ERICH2: variants seen among roughly 807,000 people sequenced by gnomAD.
The protein encoded by ERICH2 is glutamate rich 2, also known as glutamate-rich protein 2.
A neutral mutation model predicts 17.4 loss-of-function variants in ERICH2; 17 were observed. That is an observed-to-expected ratio of 0.98 (90% CI 0.67 to 1.47). The LOEUF is 1.47. ERICH2 is among the 40% of genes most tolerant of loss of function. ERICH2 has a pLI of 0.00. For missense variants in ERICH2, 186 were observed against 183.2 expected (o/e 1.01, Z -0.09); for synonymous variants, 51 against 61.1 (o/e 0.83, Z 0.77).
At chr2:170,796,437 T>TTG (rs1553569085) in intron 3 of ERICH2, among the ~76,000 whole-genome samples, 1,104 of 21,710 alleles carry the variant, frequency 0.051, 25 homozygotes, top group African/African-American at 0.11. Flanking sequence ...TGTTTTTTTT[T>TTG]TTGTTTTTTT....
At position 170,798,795 on chromosome 2, in the gene ERICH2, CGGTGAAAACA is replaced by C. The variant is rs1559258437; in HGVS notation, c.374_383del (p.Gly125ValfsTer17). Reference sequence around the variant, plus strand: ...AGAAAACTCAGAATCATGAGCAAGACGGTGAAAACAGTGATGAAGACAGCAGTGGTGAGAG... The same window carrying C: ...AGAAAACTCAGAATCATGAGCAAGACGTGATGAAGACAGCAGTGGTGAGAG... On this transcript the variant is annotated frameshift_variant, in exon 5 of 5. Coordinates refer to ENST00000409885, the Ensembl canonical transcript of ERICH2. LOFTEE classifies it low-confidence loss of function (END_TRUNC). 1 of 1,550,530 alleles carries C rather than the reference CGGTGAAAACA, an allele frequency of 6.4e-7. No individual in the cohort carries two copies. The highest frequency in any genetic ancestry group is 1.2e-5 in the South Asian group (1 of 84,038).
At chr2:170,786,389 T>G (rs931975046) in intron 2 of ERICH2, among the ~76,000 whole-genome samples, 5 of 152,150 alleles carry the variant, frequency 3.3e-5, no homozygotes, top group Admixed American at 3.3e-4. Flanking sequence ...TCCGTTGTTC[T>G]TATCTTTATT....
In ERICH2 at chr2:170,792,081, TAGA is replaced by T. The variant is rs1248463773; in HGVS notation, c.217-778_217-776del. Among the ~76,000 whole-genome samples the T allele has an allele frequency of 9.2e-5, 14 of 152,314 alleles. No individual in the cohort carries two copies. In the East Asian group the frequency reaches 2.7e-3, roughly 29 times the overall value. ...ATGGAAGCAGTCTAAATAGCTATAA[TAGA>T]AGATTAGTTTAGTAAATTGTAGCCT... is the stretch of plus-strand genomic sequence containing the variant. On this transcript the variant is annotated intron_variant, in intron 2 of 4. Coordinates refer to ENST00000409885, the Ensembl canonical transcript of ERICH2.
chr2:170,773,897 T>C, the ERICH2 span, among the ~76,000 whole-genome samples: 4 of 152,070 alleles, frequency 2.6e-5, no homozygotes, highest in South Asian at 6.2e-4. Context: ...GGCTAATTAA[T>C]TTTTTATAGA....
At chr2:170,790,735 C>A (rs1701270415) in intron 2 of ERICH2, among the ~76,000 whole-genome samples, 1 of 149,708 alleles carries the variant, frequency 6.7e-6, no homozygotes, top group African/African-American at 2.5e-5. Context: ...ACCCAGGAGG[C>A]AGAGGTTGCA....
chr2:170,781,360 G>T (rs1701023657), upstream of ERICH2, among the ~76,000 whole-genome samples: 1 of 152,180 alleles, frequency 6.6e-6, no homozygotes, highest in Admixed American at 6.5e-5. Flanking sequence ...GGGGGGCTGG[G>T]CACAGTGGTT....
the ERICH2 span, among the ~76,000 whole-genome samples, chr2:170,774,551 T>C: frequency 7.1e-6 from 1 of 140,518 alleles, no homozygotes; most frequent in African/African-American, 2.6e-5. Context: ...TCTCTTTCAC[T>C]CAAGAGCCCC....
At chr2:170,797,795 GAAAAAAAAAAA>G (rs767126097) in intron 3 of ERICH2, among the ~76,000 whole-genome samples, 1 of 141,808 alleles carries the variant, frequency 7.1e-6, no homozygotes, top group Admixed American at 7.1e-5. Flanking sequence ...CTGTCTCAGG[GAAAAAAAAAAA>G]AAAAAAAAGA....
chr2:170,784,078 A>T (rs1233370141), intron 1 of ERICH2, among the ~76,000 whole-genome samples: 1 of 152,154 alleles, frequency 6.6e-6, no homozygotes, highest in East Asian at 1.9e-4. Flanking sequence ...CACAATGTAT[A>T]TACACTATTT....
chr2:170,772,328 A>G, the ERICH2 span, among the ~76,000 whole-genome samples: 1 of 152,198 alleles, frequency 6.6e-6, no homozygotes, highest in Non-Finnish European at 1.5e-5. Flanking sequence ...AATATTAACA[A>G]TAGTATAGGA....
intron 2 of ERICH2, among the ~76,000 whole-genome samples, chr2:170,791,467 G>A (rs1261652356): frequency 2.0e-5 from 3 of 151,102 alleles, no homozygotes; most frequent in African/African-American, 2.4e-5. Context: ...CGAGGCGGGC[G>A]GATCACGAGG....
intron 2 of ERICH2, among the ~76,000 whole-genome samples, chr2:170,791,527 T>TAAAAAAAAA (rs10658304): frequency 0.34 from 41,525 of 120,966 alleles, 7,362 homozygotes; most frequent in East Asian, 0.64. Context: ...CCGTCTCTAC[T>TAAAAAAAAA]AAAAAAAAAA....
chr2:170,776,292 A>G, the ERICH2 span, among the ~76,000 whole-genome samples: 1 of 152,208 alleles, frequency 6.6e-6, no homozygotes, highest in Admixed American at 6.5e-5. Flanking sequence ...TTTAAATAAT[A>G]CTTTATTAAA....
chr2:170,776,597 C>T, the ERICH2 span, among the ~76,000 whole-genome samples: 2 of 152,080 alleles, frequency 1.3e-5, no homozygotes, highest in African/African-American at 2.4e-5. Context: ...AGGTTGGTCT[C>T]GAACTCCTGA....
At chr2:170,785,877 G>C (rs947672357) in intron 2 of ERICH2, among the ~76,000 whole-genome samples, 1 of 152,006 alleles carries the variant, frequency 6.6e-6, no homozygotes, top group Non-Finnish European at 1.5e-5. Flanking sequence ...ATTTTACCTC[G>C]CTTGTTGTGA....
intron 3 of ERICH2, among the ~76,000 whole-genome samples, chr2:170,796,434 T>TTTG (rs1701420451): frequency 7.7e-5 from 2 of 26,106 alleles, no homozygotes; most frequent in Non-Finnish European, 1.8e-4. Context: ...CTTTGTTTTT[T>TTTG]TTTTTGTTTT....
At chr2:170,792,393 G>C (rs775319890) in intron 2 of ERICH2, among the ~76,000 whole-genome samples, 3 of 151,942 alleles carry the variant, frequency 2.0e-5, no homozygotes, top group Non-Finnish European at 4.4e-5. Flanking sequence ...TTTGTAACAA[G>C]AAAAGTATAA....
chr2:170,784,775 A>T (rs768994076), exon 2 of ERICH2: 6 of 1,543,394 alleles, frequency 3.9e-6, no homozygotes, highest in Non-Finnish European at 4.4e-6. Context: ...GATGAAGATG[A>T]TGATGAAGAT....
chr2:170,785,956 C>T (rs1701150681), intron 2 of ERICH2, among the ~76,000 whole-genome samples: 1 of 152,080 alleles, frequency 6.6e-6, no homozygotes, highest in Non-Finnish European at 1.5e-5. Flanking sequence ...ACTCATTTCC[C>T]TTTCCCATCC....
Sources: gnomAD v4.1 joint callset for allele counts (sites outside exome capture counted in the v4.1 genomes callset) on GRCh38, gnomAD v4.1.1 for gene constraint, MANE v1.5 for transcripts, NCBI Gene and HGNC (gene_info 2026-07-23, HGNC 2026-07-21) for gene names.